FNBP4: variants seen among roughly 807,000 people sequenced by gnomAD.
FNBP4 encodes the protein formin binding protein 4.
A neutral mutation model predicts 119.3 loss-of-function variants in FNBP4; 34 were observed. The observed-to-expected ratio is 0.28, with a 90% confidence interval of 0.22 to 0.38. The LOEUF (loss-of-function observed/expected upper bound fraction) is 0.38, where lower values mean the gene tolerates loss of function less well. Ranked by LOEUF, FNBP4 falls within the 10% of genes least tolerant of loss-of-function variation. The pLI is 1.00. For synonymous variants in FNBP4, 462 were observed against 430.6 expected (o/e 1.07, Z -0.90); for missense variants, 1,112 against 1,228.9 (o/e 0.90, Z 1.42).
At chr11:47,764,794 G>A (rs966936951) in intron 2 of FNBP4, among the ~76,000 whole-genome samples, 12 of 152,090 alleles carry the variant, frequency 7.9e-5, no homozygotes, top group Admixed American at 2.6e-4. Flanking sequence ...TAGTAATTGC[G>A]CCAAAGTCTA....
chr11:47,756,149 A>G (rs1405099950), intron 2 of FNBP4, among the ~76,000 whole-genome samples: 1 of 152,154 alleles, frequency 6.6e-6, no homozygotes, highest in Non-Finnish European at 1.5e-5. Flanking sequence ...CTCAAATTTA[A>G]GTGGTATCAG....
intron 2 of FNBP4, among the ~76,000 whole-genome samples, chr11:47,759,191 A>G (rs1392905134): frequency 6.9e-6 from 1 of 145,150 alleles, no homozygotes; most frequent in African/African-American, 2.6e-5. Flanking sequence ...AAGTGCTGGG[A>G]TTACAGGTGT....
At chr11:47,731,002 T>C (rs996213136) in intron 12 of FNBP4, among the ~76,000 whole-genome samples, 2 of 152,226 alleles carry the variant, frequency 1.3e-5, no homozygotes, top group African/African-American at 4.8e-5. Context: ...AAGTGTTGTA[T>C]AGAAATGTAT....
intron 2 of FNBP4, among the ~76,000 whole-genome samples, chr11:47,757,819 ATTTG>A (rs2097622890): frequency 7.2e-6 from 1 of 139,066 alleles, no homozygotes; most frequent in Non-Finnish European, 1.7e-5. Context: ...CTAAAGTTTG[ATTTG>A]TTTATGTATA....
chr11:47,757,831 A>ATG (rs1336970117), intron 2 of FNBP4, among the ~76,000 whole-genome samples: 1 of 130,922 alleles, frequency 7.6e-6, no homozygotes, highest in Non-Finnish European at 1.8e-5. Flanking sequence ...TTGTTTATGT[A>ATG]TATATGTAAG....
rs765568517 is a variant in FNBP4, at chr11:47,744,101, A to G, written c.1308T>C (p.Asp436=). The change falls in exon 8 of 17, where the codon GAT becomes GAC. Residue 436 remains aspartate (D), a synonymous_variant. Transcript: ENST00000263773. ...CATCTTGAGATGCTGGCTGGCTGAT[A>G]TCAGAACGTGGACTAGACCCTGACA... ...GSVSGSSPRS[D]ISQPASQDGM... 3 of 1,614,160 alleles carry G rather than the reference A, an allele frequency of 1.9e-6. No homozygotes were observed. Among genetic ancestry groups the G allele is most frequent in the Non-Finnish European group, 2.5e-6 (3 of 1,180,024 alleles).
At position 47,767,224 on chromosome 11, in the gene FNBP4, G is replaced by C. The variant is rs1442257075; in HGVS notation, c.65C>G (p.Pro22Arg). The change falls in exon 1 of 17, where the codon CCT (proline) becomes CGT (arginine). Residue 22 changes from proline (P) to arginine (R), a missense_variant. Physicochemically the swap from Pro to Arg is moderately radical, Grantham distance 103. Transcript: ENST00000263773. Reference sequence around the variant, plus strand: ...GTCCCGGCCCGGCGTGCTGCCCCGAGGACCCGGCGGAGAGAGTTGCAGGAT... The same window carrying C: ...GTCCCGGCCCGGCGTGCTGCCCCGACGACCCGGCGGAGAGAGTTGCAGGAT... Reference protein sequence around the residue: ...RPILQLSPPGPRGSTPGRDPE... With the variant: ...RPILQLSPPGRRGSTPGRDPE... 6.4e-7 allele frequency: 1 copy of C among 1,569,548 alleles called. No homozygotes were observed. Among genetic ancestry groups the C allele is most frequent in the Admixed American group, 1.8e-5 (1 of 54,938 alleles).
chr11:47,751,457 C>A (rs141746155), intron 4 of FNBP4, among the ~76,000 whole-genome samples, 167 bp from the exon 5 acceptor site: 1 of 151,898 alleles, frequency 6.6e-6, no homozygotes, highest in African/African-American at 2.4e-5. Flanking sequence ...TTTAGCAGCA[C>A]CCCTGGCCTC....
intron 8 of FNBP4, among the ~76,000 whole-genome samples, chr11:47,739,383 A>G (rs1599199573): frequency 6.6e-6 from 1 of 152,184 alleles, no homozygotes; most frequent in East Asian, 1.9e-4. Context: ...ATATATTAAA[A>G]GTCTTCTATC....
chr11:47,717,652 CA>C (rs1381116187), intron 16 of FNBP4, 140 bp from the exon 17 acceptor site: 5 of 661,772 alleles, frequency 7.6e-6, no homozygotes, highest in Admixed American at 2.8e-5. Flanking sequence ...GTTTCTCAGC[CA>C]AACATCAGTA....
intron 8 of FNBP4, among the ~76,000 whole-genome samples, chr11:47,740,070 G>C (rs2097579759): frequency 6.6e-6 from 1 of 151,934 alleles, no homozygotes; most frequent in Non-Finnish European, 1.5e-5. Flanking sequence ...AAAGTGCTTG[G>C]ATTATAGGCG....
intron 1 of FNBP4, among the ~76,000 whole-genome samples, chr11:47,766,597 T>A (rs963742395): frequency 5.9e-5 from 9 of 152,240 alleles, no homozygotes; most frequent in Non-Finnish European, 7.3e-5. Context: ...CTCCAGCAGT[T>A]CTGCTAGTGT....
chr11:47,752,869 C>G, intron 4 of FNBP4, 47 bp downstream of exon 4: 1 of 1,486,166 alleles, frequency 6.7e-7, no homozygotes, highest in Non-Finnish European at 9.2e-7. Context: ...GCCTAGAATC[C>G]CTTTAAGGAT....
rs372319773 is a variant in FNBP4, at chr11:47,746,176, C to A, written c.1125G>T (p.Met375Ile). The change falls in exon 7 of 17, where the codon ATG (methionine) becomes ATT (isoleucine). Residue 375 changes from methionine (M) to isoleucine (I), a missense_variant. Around this residue, in one of 2 missense-constraint regions of FNBP4, gnomAD observed 826 missense variants for 988.8 expected, o/e 0.84. Coordinates refer to ENST00000263773, the MANE Select transcript of FNBP4 (RefSeq NM_015308.5). The part of the protein sequence containing the change: ...ATTIVKPQEI[M>I]LDNIEDPSQE... ...GAGAAGGGTCTTCTATATTGTCCAA[C>A]ATAATTTCCTGTGGCTTTACTATTG... 1.1e-5 allele frequency: 18 copies of A among 1,614,088 alleles called. No individual in the cohort carries two copies. Among genetic ancestry groups the A allele is most frequent in the African/African-American group, 2.7e-5 (2 of 74,936 alleles).
chr11:47,757,881 A>T (rs1269986725), intron 2 of FNBP4, among the ~76,000 whole-genome samples: 1 of 152,184 alleles, frequency 6.6e-6, no homozygotes, highest in Non-Finnish European at 1.5e-5. Context: ...GAAGCAGTGG[A>T]TCACTACATC....
Position 47,753,119 on chromosome 11 carries a change from G to A in FNBP4, c.451-17C>T. 1 of 1,573,426 alleles carries A rather than the reference G, an allele frequency of 6.4e-7. No homozygotes were observed. The highest frequency in any genetic ancestry group is 8.6e-7 in the Non-Finnish European group (1 of 1,163,970). The stretch of plus-strand genomic sequence containing the variant: ...ATCGATCTCCTTCAGTATGAAAAGA[G>A]TAACAAATGCAGTAATTATATCAAA... On this transcript the variant is annotated splice_polypyrimidine_tract_variant and intron_variant, in intron 3 of 16. Coordinates refer to ENST00000263773, the MANE Select transcript of FNBP4 (RefSeq NM_015308.5).
At chr11:47,750,688 C>CAAAAAAAAAAAAAAAAAAAAAAAA (rs67153479) in intron 6 of FNBP4, among the ~76,000 whole-genome samples, 2 of 68,068 alleles carry the variant, frequency 2.9e-5, no homozygotes, top group Admixed American at 2.4e-4. Context: ...GACTCTGTCT[C>CAAAAAAAAAAAAAAAAAAAAAAAA]AAAAAAAAAA....
intron 14 of FNBP4, 132 bp from the exon 15 acceptor site, chr11:47,723,448 T>G: frequency 7.3e-7 from 1 of 1,374,126 alleles, no homozygotes; most frequent in Non-Finnish European, 9.7e-7. Context: ...AGCATAGCCA[T>G]ATTTGCTGGT....
chr11:47,718,905 G>GTTTTTTTTTT (rs35422529), intron 16 of FNBP4, among the ~76,000 whole-genome samples: 186 of 130,328 alleles, frequency 1.4e-3, no homozygotes, highest in Middle Eastern at 8.4e-3. Flanking sequence ...CACCCAACAT[G>GTTTTTTTTTT]TTTTTTTTTT....
Sources: allele counts gnomAD v4.1 joint callset (sites outside exome capture counted in the v4.1 genomes callset), GRCh38; gene constraint gnomAD v4.1.1; regional missense constraint gnomAD v4.1.1; transcripts MANE v1.5; gene names NCBI Gene and HGNC (gene_info 2026-07-23, HGNC 2026-07-21).